VRK2: variants seen among roughly 807,000 people sequenced by gnomAD.
The protein encoded by VRK2 is serine/threonine-protein kinase VRK2.
VRK2 carries 60 observed loss-of-function variants against 57.6 expected under a neutral mutation model. That is an observed-to-expected ratio of 1.04 (90% CI 0.85 to 1.29). The LOEUF is 1.29. Among genes scored for constraint, VRK2 ranks in the 50% most tolerant of loss-of-function variants. VRK2 has a pLI of 0.00. For missense variants in VRK2, 705 were observed against 588.1 expected (o/e 1.20, Z -2.06); for synonymous variants, 231 against 199.2 (o/e 1.16, Z -1.35).
In VRK2 at chr2:58,084,082, T is replaced by C; in HGVS notation, c.137-7T>C. 2 of 1,604,892 alleles carry C rather than the reference T, an allele frequency of 1.2e-6. No individual in the cohort carries two copies. The highest frequency in any genetic ancestry group is 1.7e-6 in the Non-Finnish European group (2 of 1,174,674). On this transcript the variant is annotated splice_polypyrimidine_tract_variant and splice_region_variant and intron_variant, in intron 2 of 12. Transcript: ENST00000340157. ...TTTTCTCCATTGTGTGTTTTTTTTG[T>C]CTGCAGCTTTCCCCACAAATAAACC...
intron 7 of VRK2, among the ~76,000 whole-genome samples, chr2:58,114,820 T>C: frequency 6.6e-6 from 1 of 152,164 alleles, no homozygotes; most frequent in Non-Finnish European, 1.5e-5. Context: ...AAGAAATGAC[T>C]GTGGTGGCCT....
intron 1 of VRK2, among the ~76,000 whole-genome samples, chr2:57,938,460 G>A (rs2717029): frequency 8.6e-5 from 13 of 150,582 alleles, no homozygotes; most frequent in African/African-American, 2.0e-4. Flanking sequence ...AAAGTACAAG[G>A]TGATAGGAGA....
At chr2:57,961,623 A>AC (rs10588765) in intron 1 of VRK2, among the ~76,000 whole-genome samples, 3,496 of 95,454 alleles carry the variant, frequency 0.037, 78 homozygotes, top group Middle Eastern at 0.072. Context: ...CACTGTACCC[A>AC]CCCCCCCCCC....
At chr2:57,929,544 T>G (rs1454133418) in intron 1 of VRK2, among the ~76,000 whole-genome samples, 2 of 152,122 alleles carry the variant, frequency 1.3e-5, no homozygotes, top group Non-Finnish European at 2.9e-5. Flanking sequence ...TGCTTGGTCC[T>G]CTACCCTACT....
intron 2 of VRK2, among the ~76,000 whole-genome samples, chr2:58,058,115 C>T (rs1676801371): frequency 6.6e-6 from 1 of 152,040 alleles, no homozygotes; most frequent in Non-Finnish European, 1.5e-5. Flanking sequence ...CAGAATAGAA[C>T]ACTGAGAGGC....
intron 7 of VRK2, among the ~76,000 whole-genome samples, chr2:58,113,277 A>G (rs1490233857): frequency 6.9e-6 from 1 of 145,098 alleles, no homozygotes; most frequent in Admixed American, 7.2e-5. Flanking sequence ...CCACTGCACC[A>G]CTCCTACCTG....
intron 1 of VRK2, among the ~76,000 whole-genome samples, chr2:57,988,101 A>G (rs1000624844): frequency 6.6e-6 from 1 of 152,258 alleles, no homozygotes; most frequent in South Asian, 2.1e-4. Flanking sequence ...ACAACTGTAC[A>G]TATCTTTGCC....
intron 7 of VRK2, among the ~76,000 whole-genome samples, chr2:58,096,204 T>C (rs1225532795): frequency 1.3e-5 from 2 of 152,096 alleles, no homozygotes. Flanking sequence ...TGATTTCATA[T>C]TGATATTCGT....
intron 7 of VRK2, among the ~76,000 whole-genome samples, chr2:58,116,245 A>G (rs905862448): frequency 2.6e-5 from 4 of 151,952 alleles, no homozygotes; most frequent in African/African-American, 9.7e-5. Context: ...GAGGGAGTAG[A>G]GGTATCTTAT....
chr2:57,923,350 T>C (rs1670417786), intron 1 of VRK2, among the ~76,000 whole-genome samples: 1 of 152,080 alleles, frequency 6.6e-6, no homozygotes. Context: ...CCACCAATAC[T>C]GTATGAGGGT....
chr2:57,907,797 T>C (rs1669871460), exon 1 of VRK2: 1 of 152,246 alleles, frequency 6.6e-6, no homozygotes, highest in Admixed American at 6.5e-5. Flanking sequence ...AAGAGCCAAG[T>C]CAAATCTCTC....
chr2:58,127,577 T>A (rs1322422382), intron 8 of VRK2, among the ~76,000 whole-genome samples: 4 of 152,200 alleles, frequency 2.6e-5, no homozygotes. Context: ...TCTTTATACA[T>A]CAGAATTGAC....
intron 7 of VRK2, among the ~76,000 whole-genome samples, chr2:58,109,051 C>CTT (rs1274124842): frequency 6.6e-6 from 1 of 151,994 alleles, no homozygotes; most frequent in Non-Finnish European, 1.5e-5. Context: ...TTTTCTTTTT[C>CTT]TTTTTTGAAG....
chr2:58,119,020 G>A (rs1259339936), intron 7 of VRK2, among the ~76,000 whole-genome samples: 2 of 152,232 alleles, frequency 1.3e-5, no homozygotes, highest in South Asian at 4.1e-4. Context: ...TTAAGGCGGG[G>A]CAGGGCCTTT....
chr2:57,965,879 T>C (rs1207369813), intron 1 of VRK2, among the ~76,000 whole-genome samples: 1 of 152,220 alleles, frequency 6.6e-6, no homozygotes, highest in Non-Finnish European at 1.5e-5. Flanking sequence ...TTCATTAATT[T>C]CCTTGATGAA....
intron 8 of VRK2, among the ~76,000 whole-genome samples, chr2:58,125,933 G>T (rs2104508254): frequency 6.6e-6 from 1 of 151,980 alleles, no homozygotes; most frequent in Admixed American, 6.6e-5. Flanking sequence ...TTCAGTTGAG[G>T]ATTTTATTAG....
chr2:58,139,164 C>A (rs1680960909), intron 10 of VRK2, among the ~76,000 whole-genome samples: 1 of 152,098 alleles, frequency 6.6e-6, no homozygotes, highest in South Asian at 2.1e-4. Context: ...TCTTAGCTAA[C>A]AACATGGAAT....
At chr2:57,996,167 A>C (rs1268260812) in intron 1 of VRK2, among the ~76,000 whole-genome samples, 1 of 152,202 alleles carries the variant, frequency 6.6e-6, no homozygotes, top group African/African-American at 2.4e-5. Flanking sequence ...ACAGATTTTC[A>C]TATCCTTGGG....
At chr2:57,994,282 G>C (rs1225236048) in intron 1 of VRK2, among the ~76,000 whole-genome samples, 1 of 152,176 alleles carries the variant, frequency 6.6e-6, no homozygotes, top group Non-Finnish European at 1.5e-5. Context: ...TACTAATGGA[G>C]AGGGAAATGG....
Sources: gnomAD v4.1 joint callset for allele counts (sites outside exome capture counted in the v4.1 genomes callset) on GRCh38, gnomAD v4.1.1 for gene constraint, MANE v1.5 for transcripts, NCBI Gene and HGNC (gene_info 2026-07-23, HGNC 2026-07-21) for gene names.